Variants in PRUNE2 observed in about 807,000 individuals in gnomAD.
PRUNE2 encodes the protein prune homolog 2 with BCH domain, also known as protein prune homolog 2.
Under a neutral mutation model 252.0 loss-of-function variants are expected in PRUNE2, and 164 were observed. That is an observed-to-expected ratio of 0.65 (90% CI 0.57 to 0.74). PRUNE2 has a LOEUF of 0.74. PRUNE2 is among the 30% of genes least tolerant of loss of function. The probability of loss-of-function intolerance (pLI) is 0.00; values close to 1 mark genes in which losing one functional copy is unlikely to be tolerated. For missense variants in PRUNE2, 3,495 were observed against 3,711.0 expected, an observed-to-expected ratio of 0.94 and a Z score of 1.51; for synonymous variants, 1,292 against 1,350.2, an observed-to-expected ratio of 0.96 and a Z score of 0.94.
chr9:76,778,650 C>T (rs1429759094), intron 6 of PRUNE2: 1 of 152,278 alleles, frequency 6.6e-6, no homozygotes, highest in South Asian at 2.1e-4. Context: ...TCAGGTTCCC[C>T]ATCCATAAAA....
At chr9:76,814,171 C>G (rs944194820) in intron 6 of PRUNE2, among the ~76,000 whole-genome samples, 5 of 152,126 alleles carry the variant, frequency 3.3e-5, no homozygotes, top group African/African-American at 1.2e-4. Flanking sequence ...TTTTGAGAAC[C>G]TGTTGTTAAA....
intron 1 of PRUNE2, among the ~76,000 whole-genome samples, chr9:76,905,607 G>C (rs1313642026): frequency 6.6e-6 from 1 of 152,152 alleles, no homozygotes; most frequent in African/African-American, 2.4e-5. Flanking sequence ...TCTCAAGGAA[G>C]ACCACACCCA....
In PRUNE2 at chr9:76,854,089, C is replaced by A; in HGVS notation, c.141+15G>T. On this transcript the variant is annotated intron_variant, in intron 2 of 18. Coordinates refer to ENST00000376718, the MANE Select transcript of PRUNE2 (RefSeq NM_015225.3). ...TAATTCAAAATATAAGGAGTATTACCCTTTTTTCCCTCACCTTGTCTAGAA... is the reference window on the plus strand; with the variant it reads ...TAATTCAAAATATAAGGAGTATTACACTTTTTTCCCTCACCTTGTCTAGAA... 1 of 1,310,320 alleles carries A rather than the reference C, an allele frequency of 7.6e-7. No homozygotes were observed. The highest frequency in any genetic ancestry group is 1.1e-6 in the Non-Finnish European group (1 of 915,566). 81.2% of individuals were successfully genotyped at this position (1,310,320 alleles called of 1,614,324 possible). A position where few individuals can be genotyped will look rare whatever the true frequency, so the allele number is the denominator to read the frequency against.
Position 76,870,804 on chromosome 9 carries a change from C to T in PRUNE2, c.37-16596G>A, listed in dbSNP as rs1411681163. On this transcript the variant is annotated intron_variant, in intron 1 of 18. Coordinates refer to ENST00000376718, the MANE Select transcript of PRUNE2 (RefSeq NM_015225.3). ...CAGGCAGGTTTGACATCATCATATC[C>T]CCATAACTGAAGCAAATCCCCATAA... Among the ~76,000 whole-genome samples, 979 of 152,088 alleles carry T rather than the reference C, an allele frequency of 6.4e-3. 9 individuals carry two copies. Among genetic ancestry groups the T allele is most frequent in the African/African-American group, 0.022 (927 of 41,488 alleles).
intron 1 of PRUNE2, among the ~76,000 whole-genome samples, chr9:76,858,575 A>G (rs2060381446): frequency 6.6e-6 from 1 of 152,130 alleles, no homozygotes; most frequent in South Asian, 2.1e-4. Context: ...ACATAGACAC[A>G]GGGAGGGCAA....
At chr9:76,904,427 G>A (rs1272702136) in intron 1 of PRUNE2, among the ~76,000 whole-genome samples, 8 of 152,084 alleles carry the variant, frequency 5.3e-5, no homozygotes, top group Non-Finnish European at 8.8e-5. Flanking sequence ...ATAAATAAAT[G>A]TTATGGGAGT....
chr9:76,747,368 A>T (rs1236535091), intron 6 of PRUNE2, among the ~76,000 whole-genome samples: 1 of 152,160 alleles, frequency 6.6e-6, no homozygotes, highest in Non-Finnish European at 1.5e-5. Flanking sequence ...ACTACTGCAA[A>T]AGTTACTGTT....
At chr9:76,773,028 T>C in intron 6 of PRUNE2, among the ~76,000 whole-genome samples, 1 of 152,220 alleles carries the variant, frequency 6.6e-6, no homozygotes, top group Non-Finnish European at 1.5e-5. Context: ...AGGAACAATT[T>C]GTATTTAGAA....
rs140478122 is a variant in PRUNE2, at chr9:76,763,547, G to C, written c.757-49826C>G. ...ACTTGCCCAGTTCTACCAATGAACT[G>C]GGATGACACAAAAGTAATGAACAGA... On this transcript the variant is annotated intron_variant, in intron 6 of 18. Coordinates refer to ENST00000376718, the MANE Select transcript of PRUNE2 (RefSeq NM_015225.3). Among the ~76,000 whole-genome samples, 10 of 152,296 alleles carry C rather than the reference G, an allele frequency of 6.6e-5. No individual in the cohort carries two copies. In the East Asian group the frequency reaches 1.7e-3, roughly 26 times the overall value.
chr9:76,725,942 A>G (rs2048065554), intron 6 of PRUNE2, among the ~76,000 whole-genome samples: 1 of 152,244 alleles, frequency 6.6e-6, no homozygotes, highest in Non-Finnish European at 1.5e-5. Context: ...AGTCAGCAGG[A>G]TCTGGGGAGT....
Position 76,809,436 on chromosome 9 carries a change from G to A in PRUNE2, c.756+14196C>T, listed in dbSNP as rs555730604. On this transcript the variant is annotated intron_variant, in intron 6 of 18. Transcript: ENST00000376718. ...CCCAGGGTTGGGCGCAGTGGCTCAC[G>A]CCTGTAATCCTAGCACTTTCAGAGG... Among the ~76,000 whole-genome samples, 3 of 152,334 alleles carry A rather than the reference G, an allele frequency of 2.0e-5. No individual in the cohort carries two copies. In the South Asian group the frequency reaches 6.2e-4, roughly 32 times the overall value.
intron 1 of PRUNE2, among the ~76,000 whole-genome samples, chr9:76,887,714 T>A (rs1378284016): frequency 6.6e-6 from 1 of 152,254 alleles, no homozygotes; most frequent in Admixed American, 6.5e-5. Context: ...GAGAGCAGCA[T>A]ATCCCAGACA....
intron 12 of PRUNE2, 88 bp downstream of exon 12, chr9:76,644,651 G>T: frequency 8.0e-7 from 1 of 1,253,288 alleles, no homozygotes; most frequent in Non-Finnish European, 1.2e-6. Context: ...GAGATGTCAT[G>T]TTCCGGAGAA....
At chr9:76,636,336 C>A in intron 15 of PRUNE2, 135 bp downstream of exon 15, 1 of 619,858 alleles carries the variant, frequency 1.6e-6, no homozygotes, top group South Asian at 2.0e-5. Context: ...GTCCAAAGCA[C>A]CTTTCTAGGA....
chr9:76,749,582 G>C (rs1198253843), intron 6 of PRUNE2, among the ~76,000 whole-genome samples: 1 of 152,176 alleles, frequency 6.6e-6, no homozygotes, highest in African/African-American at 2.4e-5. Context: ...AGAGAGGTGA[G>C]GTCTTAAGTG....
chr9:76,762,716 C>T (rs1440557566), intron 6 of PRUNE2, among the ~76,000 whole-genome samples: 3 of 152,144 alleles, frequency 2.0e-5, no homozygotes, highest in East Asian at 1.9e-4. Flanking sequence ...CCTACATACA[C>T]GACCACATGA....
chr9:76,698,863 A>G (rs10869798), intron 9 of PRUNE2, among the ~76,000 whole-genome samples: 27,579 of 152,166 alleles, frequency 0.18, 2,918 homozygotes, highest in East Asian at 0.49. Context: ...AGATCACCAT[A>G]GAACCAAATA....
intron 9 of PRUNE2, among the ~76,000 whole-genome samples, chr9:76,685,059 C>T (rs2134305544): frequency 6.6e-6 from 1 of 152,264 alleles, no homozygotes; most frequent in Admixed American, 6.5e-5. Context: ...GCCACTTCTG[C>T]CTCTTATTAA....
chr9:76,661,893 C>CA (rs1400043498), intron 9 of PRUNE2, among the ~76,000 whole-genome samples: 3 of 150,156 alleles, frequency 2.0e-5, no homozygotes, highest in Non-Finnish European at 4.4e-5. Context: ...TTTTTGAACT[C>CA]ACCAAAACTT....
Sources: allele counts gnomAD v4.1 joint callset (sites outside exome capture counted in the v4.1 genomes callset), GRCh38; gene constraint gnomAD v4.1.1; transcripts MANE v1.5; gene names NCBI Gene and HGNC (gene_info 2026-07-23, HGNC 2026-07-21).